MYO9A: variants seen among roughly 807,000 people sequenced by gnomAD.
MYO9A encodes the protein myosin IXA.
In MYO9A, 103 loss-of-function variants were observed where a neutral mutation model predicts 293.3. The observed-to-expected ratio is 0.35, with a 90% CI of 0.30 to 0.41. The LOEUF (loss-of-function observed/expected upper bound fraction) is 0.41. Among genes scored for constraint, MYO9A ranks in the 10% least tolerant of loss-of-function variants. The probability of loss-of-function intolerance (pLI) is 1.00; values close to 1 mark genes in which losing one functional copy is unlikely to be tolerated. For synonymous variants in MYO9A, 1,001 were observed against 1,035.7 expected (o/e 0.97, Z 0.64); for missense variants, 2,685 against 3,033.0 (o/e 0.89, Z 2.69).
intron 16 of MYO9A, among the ~76,000 whole-genome samples, chr15:71,936,560 C>T (rs1193554190): frequency 1.3e-5 from 2 of 152,038 alleles, no homozygotes; most frequent in Non-Finnish European, 2.9e-5. Flanking sequence ...GATCATTACA[C>T]AATGTATACA....
intron 6 of MYO9A, among the ~76,000 whole-genome samples, chr15:72,011,888 T>G (rs1467645557): frequency 6.6e-6 from 1 of 152,192 alleles, no homozygotes; most frequent in Non-Finnish European, 1.5e-5. Flanking sequence ...AGATCCCCAG[T>G]GCGAAGTCAG....
chr15:71,839,399 GT>G (rs928767972), intron 39 of MYO9A, among the ~76,000 whole-genome samples: 10 of 149,384 alleles, frequency 6.7e-5, no homozygotes, highest in South Asian at 4.3e-4. Context: ...TGTGAATCAG[GT>G]TTTTTTTTTC....
At chr15:71,892,931 G>T in intron 26 of MYO9A, 2 of 1,167,818 alleles carry the variant, frequency 1.7e-6, no homozygotes, top group Non-Finnish European at 2.2e-6. Flanking sequence ...CATCAGATTT[G>T]CTTGCTATTT....
chr15:71,970,980 A>G (rs1343611699), intron 12 of MYO9A, among the ~76,000 whole-genome samples: 1 of 151,798 alleles, frequency 6.6e-6, no homozygotes. Context: ...AACACAGTGA[A>G]ACCCCATCTC....
chr15:72,075,194 G>T (rs1200016873), intron 1 of MYO9A, among the ~76,000 whole-genome samples: 1 of 151,832 alleles, frequency 6.6e-6, no homozygotes, highest in East Asian at 1.9e-4. Flanking sequence ...TCAAACTCCT[G>T]ACCTCAAGTG....
intron 12 of MYO9A, among the ~76,000 whole-genome samples, chr15:71,970,894 CA>C: frequency 6.6e-6 from 1 of 152,082 alleles, no homozygotes; most frequent in Non-Finnish European, 1.5e-5. Context: ...CGCAGTGGCT[CA>C]CACCTGTAAT....
intron 18 of MYO9A, among the ~76,000 whole-genome samples, chr15:71,916,960 T>C (rs540715713): frequency 6.6e-6 from 1 of 152,268 alleles, no homozygotes; most frequent in African/African-American, 2.4e-5. Flanking sequence ...CTGGAGCAAA[T>C]AGTTGTAGCA....
Position 71,995,959 on chromosome 15 carries a change from A to C in MYO9A, c.1471-1374T>G, listed in dbSNP as rs941567167. On this transcript the variant is annotated intron_variant, in intron 9 of 41. Coordinates refer to ENST00000356056, the MANE Select transcript of MYO9A (RefSeq NM_006901.4). The stretch of plus-strand genomic sequence containing the variant: ...AATAACTGCCTACATAGCAGAAAGA[A>C]GACTGGTACCAAATTCTCTATCTTC... Among the ~76,000 whole-genome samples the C allele has an allele frequency of 2.0e-5, 3 of 152,312 alleles. No homozygotes were observed. The South Asian group carries it at 6.2e-4, about 32-fold the overall frequency.
At chr15:71,878,815 C>CGAG (rs2056780958) in intron 30 of MYO9A, among the ~76,000 whole-genome samples, 1 of 141,222 alleles carries the variant, frequency 7.1e-6, no homozygotes, top group Admixed American at 7.7e-5. Flanking sequence ...GGCATGATCT[C>CGAG]GGCTCACTGC....
intron 4 of MYO9A, among the ~76,000 whole-genome samples, chr15:72,022,938 G>C (rs552384139): frequency 6.6e-6 from 1 of 152,058 alleles, no homozygotes; most frequent in Non-Finnish European, 1.5e-5. Flanking sequence ...AGTAGAAAAA[G>C]TATTAATTAA....
chr15:71,964,742 G>A (rs1321174298), intron 13 of MYO9A, among the ~76,000 whole-genome samples: 8 of 151,852 alleles, frequency 5.3e-5, no homozygotes, highest in Middle Eastern at 3.2e-3. Flanking sequence ...AGCCGAGATC[G>A]CGCCACTGCA....
chr15:71,975,336 A>C (rs1359763279), intron 12 of MYO9A, among the ~76,000 whole-genome samples: 1 of 135,432 alleles, frequency 7.4e-6, no homozygotes, highest in Non-Finnish European at 1.6e-5. Context: ...GTTTTCGTCC[A>C]TGGTTCCTGA....
chr15:72,041,342 T>C, intron 2 of MYO9A: 1 of 586,970 alleles, frequency 1.7e-6, no homozygotes, highest in Non-Finnish European at 3.3e-6. Flanking sequence ...CATCAGCTTC[T>C]GTCGGCAGGG....
chr15:71,938,939 T>TA lies in MYO9A; in HGVS notation c.2303-13dup, dbSNP rs1567295564. 3 of 1,595,164 alleles carry TA rather than the reference T, an allele frequency of 1.9e-6. No individual in the cohort carries two copies. The highest frequency in any genetic ancestry group is 4.5e-5 in the East Asian group (2 of 44,482). ...TTTCCGGGTTATACCTAGCAAAATT[T>TA]AAAAAACAGAAAATTTCAAATCAGT... is the stretch of plus-strand genomic sequence containing the variant. On this transcript the variant is annotated splice_polypyrimidine_tract_variant and intron_variant, in intron 15 of 41. Coordinates refer to ENST00000356056, the MANE Select transcript of MYO9A (RefSeq NM_006901.4).
intron 2 of MYO9A, among the ~76,000 whole-genome samples, chr15:72,040,890 T>C (rs2078207740): frequency 6.6e-6 from 1 of 152,162 alleles, no homozygotes; most frequent in Non-Finnish European, 1.5e-5. Flanking sequence ...GTACAAGCAG[T>C]ACCTAGGAAA....
At chr15:72,021,087 G>C (rs1171143267) in intron 4 of MYO9A, 70 bp from the exon 5 acceptor site, 1 of 915,686 alleles carries the variant, frequency 1.1e-6, no homozygotes, top group Non-Finnish European at 1.6e-6. Flanking sequence ...GGGGGAGGGG[G>C]GAAGCAAACA....
intron 1 of MYO9A, among the ~76,000 whole-genome samples, chr15:72,059,873 T>C (rs1214135404): frequency 6.6e-6 from 1 of 152,228 alleles, no homozygotes; most frequent in East Asian, 1.9e-4. Context: ...AATTGGATAG[T>C]ATAATAACAA....
At chr15:72,059,833 A>G (rs908827482) in intron 1 of MYO9A, among the ~76,000 whole-genome samples, 3 of 152,244 alleles carry the variant, frequency 2.0e-5, no homozygotes, top group Admixed American at 6.5e-5. Context: ...AACAAGACTC[A>G]GCGCTTATTT....
At chr15:71,919,841 C>CATAAAAAA (rs2058108432) in intron 18 of MYO9A, among the ~76,000 whole-genome samples, 1 of 82,482 alleles carries the variant, frequency 1.2e-5, no homozygotes, top group African/African-American at 5.0e-5. Flanking sequence ...GACTCCATCT[C>CATAAAAAA]AAAAAAAAAA....
Sources: gnomAD v4.1 joint callset for allele counts (sites outside exome capture counted in the v4.1 genomes callset) on GRCh38, gnomAD v4.1.1 for gene constraint, MANE v1.5 for transcripts, NCBI Gene and HGNC (gene_info 2026-07-23, HGNC 2026-07-21) for gene names.